The following COBLL1 variants were observed in gnomAD, a reference collection of about 807,000 sequenced individuals.
COBLL1 encodes cordon-bleu protein-like 1.
In COBLL1, 50 loss-of-function variants were observed where a neutral mutation model predicts 94.8. The ratio of observed to expected loss-of-function variants is 0.53; its 90% CI spans 0.42 to 0.67. The LOEUF (loss-of-function observed/expected upper bound fraction) is 0.67, where lower values mean the gene tolerates loss of function less well. Ranked by LOEUF, COBLL1 falls within the 30% of genes least tolerant of loss-of-function variation. The pLI, the probability that COBLL1 is intolerant of heterozygous loss-of-function variation, is 0.00. For synonymous variants in COBLL1, 448 were observed against 473.8 expected (o/e 0.95, Z 0.71); for missense variants, 1,362 against 1,348.7 (o/e 1.01, Z -0.15).
In COBLL1 at chr2:164,694,932, A is replaced by C; in HGVS notation, c.2460T>G (p.Val820=). 1.9e-6 allele frequency: 3 copies of C among 1,613,970 alleles called. No homozygotes were observed. The highest frequency in any genetic ancestry group is 2.5e-6 in the Non-Finnish European group (3 of 1,179,928). The change falls in exon 12 of 14, where the codon GTT becomes GTG. Residue 820 remains valine (V), a synonymous_variant. Transcript: ENST00000652658. ...TTTTGGGAGCAGGTTTCAGAGGACT[A>C]ACCATGGCATCATCAGGTGAGCTCA... ...SSVSSPDDAM[V]SPLKPAPKMT...
chr2:164,687,318 C>A, intron 13 of COBLL1: 1 of 651,156 alleles, frequency 1.5e-6, no homozygotes, highest in South Asian at 1.7e-5. Flanking sequence ...GTCCACAGGG[C>A]CACAACTGGG....
intron 2 of COBLL1, among the ~76,000 whole-genome samples, chr2:164,749,757 G>A (rs904853232): frequency 6.6e-6 from 1 of 152,012 alleles, no homozygotes; most frequent in Non-Finnish European, 1.5e-5. Context: ...AATGAAAATC[G>A]ACAAGGAGAA....
chr2:164,821,349 T>C (rs1685159534), intron 2 of COBLL1, among the ~76,000 whole-genome samples: 1 of 152,130 alleles, frequency 6.6e-6, no homozygotes, highest in Non-Finnish European at 1.5e-5. Context: ...AGAACGAACC[T>C]CGTCAAAAAC....
chr2:164,836,071 G>A (rs1683305150), intron 2 of COBLL1, among the ~76,000 whole-genome samples: 1 of 152,062 alleles, frequency 6.6e-6, no homozygotes, highest in African/African-American at 2.4e-5. Flanking sequence ...TCTAACTCAT[G>A]TAGAGGTAAT....
At chr2:164,792,621 G>C (rs552762957) in intron 2 of COBLL1, among the ~76,000 whole-genome samples, 23 of 152,220 alleles carry the variant, frequency 1.5e-4, no homozygotes, top group African/African-American at 5.5e-4. Context: ...CTTTCAAATT[G>C]AGTAGTACCA....
intron 2 of COBLL1, among the ~76,000 whole-genome samples, chr2:164,830,538 A>T (rs1683029244): frequency 6.6e-6 from 1 of 152,214 alleles, no homozygotes; most frequent in African/African-American, 2.4e-5. Flanking sequence ...AGCTATAAAA[A>T]TTCTCCTAAA....
chr2:164,740,014 C>T (rs929413078), intron 3 of COBLL1, among the ~76,000 whole-genome samples: 1 of 152,132 alleles, frequency 6.6e-6, no homozygotes, highest in Admixed American at 6.5e-5. Flanking sequence ...CCCAGAATCA[C>T]ACTCCTAAGA....
intron 1 of COBLL1, among the ~76,000 whole-genome samples, chr2:164,667,840 C>G (rs1026668931): frequency 2.6e-5 from 4 of 152,072 alleles, no homozygotes; most frequent in African/African-American, 9.7e-5. Context: ...GCTTTGCTTT[C>G]TTATCATTCA....
intron 3 of COBLL1, among the ~76,000 whole-genome samples, chr2:164,738,036 T>C (rs1686405857): frequency 6.6e-6 from 1 of 152,220 alleles, no homozygotes; most frequent in Non-Finnish European, 1.5e-5. Context: ...TTGGGACTTC[T>C]AGCTTGGAGT....
At chr2:164,821,134 G>A (rs1460639151) in intron 2 of COBLL1, among the ~76,000 whole-genome samples, 2 of 151,708 alleles carry the variant, frequency 1.3e-5, no homozygotes, top group Non-Finnish European at 2.9e-5. Context: ...TGATCCACTC[G>A]CCTCCACCTC....
At position 164,755,598 on chromosome 2, in the gene COBLL1, G is replaced by C. The variant is rs1687358710; in HGVS notation, c.42-11723C>G. On this transcript the variant is annotated intron_variant, in intron 2 of 13. Coordinates refer to ENST00000652658, the MANE Select transcript of COBLL1 (RefSeq NM_001365672.2). Reference sequence around the variant, plus strand: ...CATTAGACCTTTGAGAATAAGGTTAGCATGAGTAGATGAAGCTTTATTGTA... The same window carrying C: ...CATTAGACCTTTGAGAATAAGGTTACCATGAGTAGATGAAGCTTTATTGTA... Among the ~76,000 whole-genome samples, 3 of 152,280 alleles carry C rather than the reference G, an allele frequency of 2.0e-5. No homozygotes were observed. The South Asian group carries it at 6.2e-4, about 32-fold the overall frequency.
In COBLL1 at chr2:164,695,242, G is replaced by A. The variant is rs1318205323; in HGVS notation, c.2150C>T (p.Pro717Leu). 1 of 1,613,910 alleles carries A rather than the reference G, an allele frequency of 6.2e-7. No individual in the cohort carries two copies. Among genetic ancestry groups the A allele is most frequent in the African/African-American group, 1.3e-5 (1 of 75,016 alleles). ...YRQDYNPKPK[P>L]SNEITREYIP... ...ATACTCTCGTGTAATTTCATTTGAAGGTTTTGGCTTGGGATTGTAGTCCTG... is the reference window on the plus strand; with the variant it reads ...ATACTCTCGTGTAATTTCATTTGAAAGTTTTGGCTTGGGATTGTAGTCCTG... The change falls in exon 12 of 14, where the codon CCT becomes CTT. Residue 717 changes from proline to leucine, a missense_variant. By Grantham distance (98) the Pro-to-Leu change is moderately conservative (BLOSUM62 -3). Coordinates refer to ENST00000652658, the MANE Select transcript of COBLL1 (RefSeq NM_001365672.2).
chr2:164,713,022 T>C (rs1239840152), intron 7 of COBLL1, among the ~76,000 whole-genome samples: 1 of 152,166 alleles, frequency 6.6e-6, no homozygotes, highest in Non-Finnish European at 1.5e-5. Flanking sequence ...TATATTATTG[T>C]GATTTGTAAA....
In COBLL1 at chr2:164,704,492, G is replaced by C; in HGVS notation, c.1177C>G (p.Pro393Ala). Residue 393 changes from proline (P) to alanine (A), a missense_variant, in exon 9 of 14, where the codon CCA becomes GCA. Coordinates refer to ENST00000652658, the MANE Select transcript of COBLL1 (RefSeq NM_001365672.2). The stretch of plus-strand genomic sequence containing the variant: ...GAGTTTGCTTCTGAAGCACTGTCTG[G>C]AGGAACTCCATCTACTGGCTGTAAG... ...TALQPVDGVP[P>A]DSASEANSPE... 6.2e-7 allele frequency: 1 copy of C among 1,613,614 alleles called. No homozygotes were observed. The highest frequency in any genetic ancestry group is 8.5e-7 in the Non-Finnish European group (1 of 1,179,542).
In COBLL1 at chr2:164,689,254, G is replaced by C. The variant is rs567473998; in HGVS notation, c.3300+2967C>G. ...TTGTGAACCAACCATTATAATGAAG[G>C]TTAATTGCCTGCGTATGAACCAGAG... is the stretch of plus-strand genomic sequence containing the variant. On this transcript the variant is annotated intron_variant, in intron 13 of 13. Transcript: ENST00000652658. Among the ~76,000 whole-genome samples the C allele has an allele frequency of 3.3e-5, 5 of 152,156 alleles. No individual in the cohort carries two copies. The South Asian group carries it at 1.0e-3, about 32-fold the overall frequency.
downstream of COBLL1, among the ~76,000 whole-genome samples, chr2:164,675,694 T>C (rs536507856): frequency 4.3e-4 from 65 of 152,358 alleles, no homozygotes; most frequent in Admixed American, 8.5e-4. Context: ...TTATCTTAAA[T>C]TTAGACTAGG....
chr2:164,763,092 A>G (rs917599150), intron 2 of COBLL1, among the ~76,000 whole-genome samples: 1 of 152,128 alleles, frequency 6.6e-6, no homozygotes, highest in Non-Finnish European at 1.5e-5. Context: ...ACAATAACAG[A>G]GTTGAGTGGT....
chr2:164,807,678 T>A (rs1333347987), intron 2 of COBLL1, among the ~76,000 whole-genome samples: 9 of 152,202 alleles, frequency 5.9e-5, no homozygotes, highest in Non-Finnish European at 1.3e-4. Flanking sequence ...TTACTGTTTA[T>A]ACTTGTTTTG....
chr2:164,807,544 GTTGT>G (rs1684237371), intron 2 of COBLL1, among the ~76,000 whole-genome samples: 1 of 150,014 alleles, frequency 6.7e-6, no homozygotes, highest in Admixed American at 6.6e-5. Flanking sequence ...TATTTGTTTT[GTTGT>G]TTTAGTATCA....
Sources: gnomAD v4.1 joint callset for allele counts (sites outside exome capture counted in the v4.1 genomes callset) on GRCh38, gnomAD v4.1.1 for gene constraint, MANE v1.5 for transcripts, NCBI Gene and HGNC (gene_info 2026-07-23, HGNC 2026-07-21) for gene names.